LRP1B: variants seen among roughly 807,000 people sequenced by gnomAD.
LRP1B encodes the protein low-density lipoprotein receptor-related protein 1B.
In LRP1B, 217 loss-of-function variants were observed where a neutral mutation model predicts 556.6. The ratio of observed to expected loss-of-function variants is 0.39; its 90% CI spans 0.35 to 0.44. The LOEUF (loss-of-function observed/expected upper bound fraction) is 0.44, where lower values mean the gene tolerates loss of function less well. Among genes scored for constraint, LRP1B ranks in the 20% least tolerant of loss-of-function variants. The pLI is 1.00. For synonymous variants in LRP1B, 2,047 were observed against 1,865.8 expected (o/e 1.10, Z -2.50); for missense variants, 5,053 against 5,620.8 (o/e 0.90, Z 3.23).
intron 2 of LRP1B, among the ~76,000 whole-genome samples, chr2:141,549,053 T>C (rs1685656353): frequency 6.6e-6 from 1 of 152,154 alleles, no homozygotes; most frequent in East Asian, 1.9e-4. Context: ...GAGAAAGATA[T>C]AATGCCACAC....
chr2:140,280,439 T>C (rs930752404), intron 84 of LRP1B, among the ~76,000 whole-genome samples: 6 of 151,898 alleles, frequency 4.0e-5, no homozygotes, highest in South Asian at 2.1e-4. Flanking sequence ...AAACAGTCGA[T>C]TTATGAACTG....
At chr2:141,356,590 G>GTTTTTTTTTTTTTT (rs1279270542) in intron 3 of LRP1B, among the ~76,000 whole-genome samples, 2 of 151,494 alleles carry the variant, frequency 1.3e-5, no homozygotes, top group Non-Finnish European at 3.0e-5. Context: ...TAACATGTAT[G>GTTTTTTTTTTTTTT]TTTTTAAGAA....
At chr2:140,238,357 G>A (rs568825566) in intron 88 of LRP1B, 61 bp from the exon 89 acceptor site, 3 of 807,536 alleles carry the variant, frequency 3.7e-6, no homozygotes, top group East Asian at 2.9e-5. Flanking sequence ...CAAGGCATAT[G>A]AAATTATATT....
chr2:140,899,792 G>A (rs1694051134), intron 23 of LRP1B, among the ~76,000 whole-genome samples: 1 of 152,050 alleles, frequency 6.6e-6, no homozygotes, highest in South Asian at 2.1e-4. Flanking sequence ...ATCGATAGAG[G>A]GCTCTGAAGA....
intron 18 of LRP1B, among the ~76,000 whole-genome samples, chr2:140,979,409 A>G (rs1433162378): frequency 1.3e-5 from 2 of 152,160 alleles, no homozygotes; most frequent in African/African-American, 4.8e-5. Flanking sequence ...GGTAATATAT[A>G]CCTGAGACTT....
At chr2:142,050,318 T>C (rs1458950227) in intron 1 of LRP1B, among the ~76,000 whole-genome samples, 2 of 152,144 alleles carry the variant, frequency 1.3e-5, no homozygotes, top group African/African-American at 4.8e-5. Flanking sequence ...ACAAGTATAT[T>C]ATCATTTGAA....
chr2:141,807,404 C>A (rs919936147), intron 2 of LRP1B, among the ~76,000 whole-genome samples: 6 of 151,980 alleles, frequency 3.9e-5, no homozygotes, highest in Non-Finnish European at 5.9e-5. Flanking sequence ...ATAGTTATTT[C>A]TCTGTCTTTG....
chr2:140,873,468 A>C (rs2105167375), intron 25 of LRP1B, among the ~76,000 whole-genome samples: 1 of 152,200 alleles, frequency 6.6e-6, no homozygotes, highest in East Asian at 1.9e-4. Flanking sequence ...ACTATAAACT[A>C]AGTAATACAA....
chr2:140,626,520 A>C (rs999529640), intron 41 of LRP1B, among the ~76,000 whole-genome samples: 1 of 152,172 alleles, frequency 6.6e-6, no homozygotes, highest in African/African-American at 2.4e-5. Context: ...GTGAACATAA[A>C]ACTGCTCTAA....
rs2105313808 is a variant in LRP1B at position 140,450,592 on chromosome 2, C to T, written c.10033G>A (p.Gly3345Arg). Reference protein sequence around the residue: ...KCDTVDDCGDGSDEPDDCPEF... With the variant: ...KCDTVDDCGDRSDEPDDCPEF... ...CGACAGTCATCAGGTTCATCAGATC[C>T]ATCACCACAGTCATCCACGGTGTCA... Residue 3345 changes from glycine to arginine, a missense_variant, in exon 63 of 91, where the codon GGA becomes AGA. By Grantham distance (125) the Gly-to-Arg change is moderately radical. This residue lies in a region of LRP1B where 262 missense variants were observed against 395.1 expected (regional missense o/e 0.66). Coordinates refer to ENST00000389484, the MANE Select transcript of LRP1B (RefSeq NM_018557.3). The T allele has an allele frequency of 1.2e-6, 2 of 1,612,080 alleles. No individual in the cohort carries two copies. The highest frequency in any genetic ancestry group is 1.7e-6 in the Non-Finnish European group (2 of 1,178,660).
At chr2:141,101,028 T>C (rs985018934) in intron 7 of LRP1B, among the ~76,000 whole-genome samples, 4 of 152,056 alleles carry the variant, frequency 2.6e-5, no homozygotes, top group African/African-American at 9.7e-5. Flanking sequence ...GGACATACCA[T>C]GCAAGGCCGT....
At chr2:142,092,302 A>G (rs925536756) in intron 1 of LRP1B, among the ~76,000 whole-genome samples, 5 of 150,322 alleles carry the variant, frequency 3.3e-5, no homozygotes, top group African/African-American at 9.8e-5. Context: ...TCTGCCAGGT[A>G]ACTAAGCCTA....
At chr2:141,868,717 T>C (rs536917550) in intron 1 of LRP1B, among the ~76,000 whole-genome samples, 11 of 152,194 alleles carry the variant, frequency 7.2e-5, no homozygotes, top group African/African-American at 1.7e-4. Flanking sequence ...CTTGTATTTT[T>C]CCCCCTTATT....
At chr2:142,104,317 G>A (rs1706674095) in intron 1 of LRP1B, among the ~76,000 whole-genome samples, 1 of 152,046 alleles carries the variant, frequency 6.6e-6, no homozygotes, top group South Asian at 2.1e-4. Context: ...TTGTGAAAAG[G>A]AAGCTCTCAC....
chr2:141,478,792 G>A (rs1406664677), intron 3 of LRP1B, among the ~76,000 whole-genome samples: 1 of 152,038 alleles, frequency 6.6e-6, no homozygotes, highest in Non-Finnish European at 1.5e-5. Context: ...TGATCTGCCT[G>A]CTTGGGCCTC....
chr2:141,484,531 T>C (rs1683047637), intron 2 of LRP1B, among the ~76,000 whole-genome samples: 1 of 152,150 alleles, frequency 6.6e-6, no homozygotes, highest in Admixed American at 6.6e-5. Context: ...GGGATGGCAT[T>C]GAATCTATAA....
chr2:140,660,207 G>A (rs1032274978), intron 41 of LRP1B, among the ~76,000 whole-genome samples: 12 of 151,132 alleles, frequency 7.9e-5, no homozygotes, highest in Non-Finnish European at 7.4e-5. Context: ...TTCTGGGTTC[G>A]TCTTCATATT....
chr2:141,631,376 G>A (rs565538441), intron 2 of LRP1B, among the ~76,000 whole-genome samples: 19 of 152,076 alleles, frequency 1.2e-4, no homozygotes, highest in African/African-American at 4.3e-4. Flanking sequence ...CCTATCATAT[G>A]ACAGTTTTTA....
chr2:141,462,434 G>C (rs1451398537), intron 3 of LRP1B, among the ~76,000 whole-genome samples: 1 of 150,956 alleles, frequency 6.6e-6, no homozygotes, highest in African/African-American at 2.4e-5. Context: ...ATAAGTGGGA[G>C]TTGAACAGTG....
Sources: allele counts gnomAD v4.1 joint callset (sites outside exome capture counted in the v4.1 genomes callset), GRCh38; gene constraint gnomAD v4.1.1; regional missense constraint gnomAD v4.1.1; transcripts MANE v1.5; gene names NCBI Gene and HGNC (gene_info 2026-07-23, HGNC 2026-07-21).